MTMR7: variants seen among roughly 807,000 people sequenced by gnomAD.
MTMR7 encodes myotubularin related protein 7.
In MTMR7, 76 loss-of-function variants were observed where a neutral mutation model predicts 81.2. The observed-to-expected ratio is 0.94, with a 90% CI of 0.78 to 1.13. The LOEUF (loss-of-function observed/expected upper bound fraction) is 1.13. Among genes scored for constraint, MTMR7 ranks in the 50% most tolerant of loss-of-function variants. The pLI is 0.00. For synonymous variants in MTMR7, 372 were observed against 289.8 expected (o/e 1.28, Z -2.88); for missense variants, 1,044 against 820.0 (o/e 1.27, Z -3.34).
intron 7 of MTMR7, among the ~76,000 whole-genome samples, chr8:17,319,779 T>C (rs1818286865): frequency 6.6e-6 from 1 of 152,204 alleles, no homozygotes. Flanking sequence ...GGCTCCAGTC[T>C]GGCTCTTAAT....
intron 1 of MTMR7, among the ~76,000 whole-genome samples, chr8:17,391,528 C>T (rs1278767666): frequency 1.3e-5 from 2 of 152,078 alleles, no homozygotes; most frequent in African/African-American, 4.8e-5. Flanking sequence ...GGAATACTTC[C>T]AGAATGTACA....
intron 8 of MTMR7, among the ~76,000 whole-genome samples, chr8:17,312,690 G>C (rs1817857534): frequency 6.6e-6 from 1 of 151,524 alleles, no homozygotes; most frequent in Admixed American, 6.6e-5. Flanking sequence ...ATCTAGAATA[G>C]TACCTGGCAC....
At chr8:17,394,440 A>C (rs6985955) in intron 1 of MTMR7, among the ~76,000 whole-genome samples, 17,675 of 152,220 alleles carry the variant, frequency 0.12, 1,661 homozygotes, top group African/African-American at 0.25. Flanking sequence ...AACTGAAAGA[A>C]GCCAGTCACA....
At chr8:17,328,553 T>A (rs28437537) in intron 7 of MTMR7, among the ~76,000 whole-genome samples, 1 of 151,536 alleles carries the variant, frequency 6.6e-6, no homozygotes, top group Non-Finnish European at 1.5e-5. Flanking sequence ...ATAACACACA[T>A]TGGGGCCTGT....
intron 3 of MTMR7, among the ~76,000 whole-genome samples, chr8:17,364,643 G>A (rs556434804): frequency 6.6e-6 from 1 of 152,210 alleles, no homozygotes; most frequent in East Asian, 1.9e-4. Context: ...AACTGTCATA[G>A]ATCCCACATG....
At chr8:17,376,153 T>C (rs28424112) in intron 1 of MTMR7, among the ~76,000 whole-genome samples, 20,328 of 152,236 alleles carry the variant, frequency 0.13, 1,500 homozygotes, top group African/African-American at 0.2. Context: ...TCTGAACATT[T>C]TGTATAAACA....
At chr8:17,359,639 C>G (rs1404401637) in intron 4 of MTMR7, among the ~76,000 whole-genome samples, 2 of 145,086 alleles carry the variant, frequency 1.4e-5, no homozygotes, top group Non-Finnish European at 3.0e-5. Context: ...AGAAAATACC[C>G]AGAATTCAAA....
chr8:17,297,636 C>T lies in MTMR7; in HGVS notation c.*2226G>A, dbSNP rs920724966. 3.3e-5 allele frequency: 5 copies of T among 151,990 alleles called. No individual in the cohort carries two copies. Among genetic ancestry groups the T allele is most frequent in the African/African-American group, 1.2e-4 (5 of 41,418 alleles). The allele number at this position is 151,990 out of a possible 1,614,324, so 9.4% of individuals were successfully genotyped here. On this transcript the variant is annotated 3_prime_UTR_variant, in exon 14 of 14. Coordinates refer to ENST00000180173, the MANE Select transcript of MTMR7 (RefSeq NM_004686.5). ...AATTGGGAAGTAATATGCCTCAAAT[C>T]AGTTTTATACTGGATTATTCCCTAT...
At chr8:17,306,305 G>A (rs987387226) in intron 10 of MTMR7, among the ~76,000 whole-genome samples, 3 of 151,784 alleles carry the variant, frequency 2.0e-5, no homozygotes, top group African/African-American at 7.3e-5. Flanking sequence ...CTTTATGAGC[G>A]GGTGAGAAGA....
chr8:17,299,792 A>C lies in MTMR7; in HGVS notation c.*70T>G. Reference sequence around the variant, plus strand: ...GCACCATTTCCTGTTTTTACAATAAACCACCTTGTTCCCTTGTTTTTGGAA... The same window carrying C: ...GCACCATTTCCTGTTTTTACAATAACCCACCTTGTTCCCTTGTTTTTGGAA... On this transcript the variant is annotated 3_prime_UTR_variant, in exon 14 of 14. Coordinates refer to ENST00000180173, the MANE Select transcript of MTMR7 (RefSeq NM_004686.5). The C allele has an allele frequency of 6.4e-7, 1 of 1,566,942 alleles. No homozygotes were observed. Among genetic ancestry groups the C allele is most frequent in the Non-Finnish European group, 8.7e-7 (1 of 1,155,536 alleles).
At chr8:17,383,460 C>G (rs546285263) in intron 1 of MTMR7, among the ~76,000 whole-genome samples, 8 of 152,178 alleles carry the variant, frequency 5.3e-5, no homozygotes, top group Non-Finnish European at 1.0e-4. Context: ...CATGAAAAAT[C>G]AATCAACTGC....
intron 1 of MTMR7, among the ~76,000 whole-genome samples, chr8:17,406,411 AG>A (rs1821583075): frequency 6.6e-6 from 1 of 152,232 alleles, no homozygotes; most frequent in African/African-American, 2.4e-5. Flanking sequence ...ATTAGTCATT[AG>A]AAAAACACAA....
chr8:17,324,494 G>C (rs1056155056), intron 7 of MTMR7, among the ~76,000 whole-genome samples: 7 of 152,304 alleles, frequency 4.6e-5, no homozygotes, highest in African/African-American at 1.7e-4. Context: ...TCTTCCTCTA[G>C]CCTCTGCCTC....
chr8:17,372,732 T>C (rs6587036), intron 2 of MTMR7, among the ~76,000 whole-genome samples: 152,198 of 152,258 alleles, frequency 1, 76,069 homozygotes, highest in Non-Finnish European at 1. Flanking sequence ...GTAGAGGCAA[T>C]GTAATAAAAT....
Position 17,299,707 on chromosome 8 carries a change from T to G in MTMR7, c.*155A>C. The G allele has an allele frequency of 2.0e-6, 2 of 980,918 alleles. No individual in the cohort carries two copies. Among genetic ancestry groups the G allele is most frequent in the Non-Finnish European group, 1.5e-6 (1 of 671,306 alleles). 60.8% of individuals were successfully genotyped at this position (980,918 alleles called of 1,614,324 possible). On this transcript the variant is annotated 3_prime_UTR_variant, in exon 14 of 14. Transcript: ENST00000180173. Reference sequence around the variant, plus strand: ...TACGTCCTCTTCAGTATCTAAGAAATCAAGAACTGGGCACTTTTTTCCCTT... The same window carrying G: ...TACGTCCTCTTCAGTATCTAAGAAAGCAAGAACTGGGCACTTTTTTCCCTT...
At chr8:17,337,842 C>CA (rs1158831675) in intron 6 of MTMR7, among the ~76,000 whole-genome samples, 4 of 152,096 alleles carry the variant, frequency 2.6e-5, no homozygotes, top group Admixed American at 2.6e-4. Flanking sequence ...TGGTGTCTCC[C>CA]AAAAAATGTC....
intron 11 of MTMR7, among the ~76,000 whole-genome samples, 171 bp downstream of exon 11, chr8:17,305,586 A>ATTTAAAC (rs1238708722): frequency 1.3e-5 from 2 of 152,212 alleles, no homozygotes; most frequent in African/African-American, 4.8e-5. Flanking sequence ...AGTTGATGAC[A>ATTTAAAC]TTTAAACCAT....
intron 4 of MTMR7, among the ~76,000 whole-genome samples, chr8:17,359,406 T>G (rs1200368446): frequency 6.6e-6 from 1 of 151,900 alleles, no homozygotes; most frequent in Non-Finnish European, 1.5e-5. Context: ...GAGACCAGCC[T>G]GAGCAACATG....
chr8:17,328,684 T>C (rs1272865617), intron 7 of MTMR7, among the ~76,000 whole-genome samples: 5 of 152,124 alleles, frequency 3.3e-5, no homozygotes, highest in African/African-American at 1.2e-4. Flanking sequence ...TTCACTTATG[T>C]ACATCCTGCA....
Sources: gnomAD v4.1 joint callset for allele counts (sites outside exome capture counted in the v4.1 genomes callset) on GRCh38, gnomAD v4.1.1 for gene constraint, MANE v1.5 for transcripts, NCBI Gene and HGNC (gene_info 2026-07-23, HGNC 2026-07-21) for gene names.